The following CFAP299 variants were observed in gnomAD, a reference collection of about 807,000 sequenced individuals.
CFAP299 encodes cilia and flagella associated protein 299.
CFAP299 carries 21 observed loss-of-function variants against 27.0 expected under a neutral mutation model. That is an observed-to-expected ratio of 0.78 (90% CI 0.55 to 1.12). The LOEUF is 1.12. Among genes scored for constraint, CFAP299 ranks in the 50% most tolerant of loss-of-function variants. CFAP299 has a pLI of 0.00. For missense variants in CFAP299, 310 were observed against 276.6 expected (o/e 1.12, Z -0.86); for synonymous variants, 104 against 98.1 (o/e 1.06, Z -0.36).
In CFAP299 at chr4:80,628,595, T is replaced by C. The variant is rs1022447615; in HGVS notation, c.333+45412T>C. On this transcript the variant is annotated intron_variant, in intron 3 of 5. Transcript: ENST00000358105. Reference sequence around the variant, plus strand: ...GCAAACTGTATATCTGTTATGGGGTTAATTTCCAAAATACGTAAGAAATTC... The same window carrying C: ...GCAAACTGTATATCTGTTATGGGGTCAATTTCCAAAATACGTAAGAAATTC... Among the ~76,000 whole-genome samples the C allele has an allele frequency of 5.9e-5, 9 of 152,174 alleles. No individual in the cohort carries two copies. In the South Asian group the frequency reaches 6.2e-4, roughly 11 times the overall value.
At chr4:80,725,834 A>G (rs1190808107) in intron 3 of CFAP299, among the ~76,000 whole-genome samples, 2 of 152,100 alleles carry the variant, frequency 1.3e-5, no homozygotes, top group Non-Finnish European at 2.9e-5. Context: ...CTTCAACTTC[A>G]TTATACTTTT....
At chr4:80,704,970 G>C (rs1721737502) in intron 3 of CFAP299, among the ~76,000 whole-genome samples, 1 of 151,762 alleles carries the variant, frequency 6.6e-6, no homozygotes, top group African/African-American at 2.4e-5. Context: ...GGAAAGGATA[G>C]CATAGAGCTA....
intron 2 of CFAP299, among the ~76,000 whole-genome samples, chr4:80,530,074 A>C (rs1370762086): frequency 6.6e-6 from 1 of 152,198 alleles, no homozygotes; most frequent in Non-Finnish European, 1.5e-5. Context: ...TTTAAAATGC[A>C]TGTGAGTTAG....
At chr4:80,816,141 A>G (rs1729409865) in intron 3 of CFAP299, among the ~76,000 whole-genome samples, 1 of 152,032 alleles carries the variant, frequency 6.6e-6, no homozygotes. Flanking sequence ...TGAGAATAAG[A>G]TTTAAAAAAC....
At chr4:80,961,845 G>T (rs1471670283) in intron 5 of CFAP299, among the ~76,000 whole-genome samples, 1 of 151,926 alleles carries the variant, frequency 6.6e-6, no homozygotes, top group Non-Finnish European at 1.5e-5. Flanking sequence ...ATTATTGTCT[G>T]TCACACAAGG....
chr4:80,839,679 G>C (rs1298540457), intron 3 of CFAP299, among the ~76,000 whole-genome samples: 1 of 151,698 alleles, frequency 6.6e-6, no homozygotes. Context: ...TATTATTCAT[G>C]GTTATCTCAA....
At chr4:80,654,118 T>C (rs745487513) in intron 3 of CFAP299, among the ~76,000 whole-genome samples, 1 of 152,160 alleles carries the variant, frequency 6.6e-6, no homozygotes, top group Admixed American at 6.6e-5. Context: ...ATTGCGGTAC[T>C]GGGGAATGAT....
chr4:80,713,777 T>C (rs972405633), intron 3 of CFAP299, among the ~76,000 whole-genome samples: 2 of 152,206 alleles, frequency 1.3e-5, no homozygotes, highest in African/African-American at 4.8e-5. Context: ...AATTTGTAAC[T>C]TTACATTTAC....
At chr4:80,741,243 T>A (rs1403151358) in intron 3 of CFAP299, among the ~76,000 whole-genome samples, 10 of 152,244 alleles carry the variant, frequency 6.6e-5, no homozygotes, top group African/African-American at 2.2e-4. Flanking sequence ...TGTTTTGTTT[T>A]TTGTTTCATT....
chr4:80,599,162 A>G (rs974674524), intron 3 of CFAP299, among the ~76,000 whole-genome samples: 4 of 152,204 alleles, frequency 2.6e-5, no homozygotes, highest in Non-Finnish European at 4.4e-5. Flanking sequence ...GCACTGTTCT[A>G]TATATCATTA....
At chr4:80,527,026 TATCTA>T (rs66491228) in intron 2 of CFAP299, among the ~76,000 whole-genome samples, 15,653 of 152,176 alleles carry the variant, frequency 0.1, 930 homozygotes, top group Middle Eastern at 0.2. Context: ...CTATTTTTCT[TATCTA>T]ATACCTAGGG....
chr4:80,934,311 T>A (rs1343631438), intron 4 of CFAP299, among the ~76,000 whole-genome samples: 1 of 152,126 alleles, frequency 6.6e-6, no homozygotes, highest in Non-Finnish European at 1.5e-5. Flanking sequence ...TTCAATTTAG[T>A]TTGCTATTAT....
intron 3 of CFAP299, among the ~76,000 whole-genome samples, chr4:80,604,792 T>C (rs919082807): frequency 6.6e-6 from 1 of 151,876 alleles, no homozygotes; most frequent in African/African-American, 2.4e-5. Context: ...AGTATAAATT[T>C]TACAAGAGTA....
intron 2 of CFAP299, among the ~76,000 whole-genome samples, chr4:80,376,260 G>C (rs1724404429): frequency 6.6e-6 from 1 of 151,670 alleles, no homozygotes. Flanking sequence ...TTTTATTGTT[G>C]AGTAATATGG....
At chr4:80,840,031 A>G (rs907898259) in intron 3 of CFAP299, among the ~76,000 whole-genome samples, 13 of 152,220 alleles carry the variant, frequency 8.5e-5, no homozygotes, top group African/African-American at 3.1e-4. Context: ...GTGAAAACCC[A>G]TATGCAAAGA....
At chr4:80,758,708 C>T (rs1725390658) in intron 3 of CFAP299, among the ~76,000 whole-genome samples, 1 of 152,126 alleles carries the variant, frequency 6.6e-6, no homozygotes. Flanking sequence ...TTAAATGATA[C>T]TAATACAGAT....
chr4:80,608,472 T>C (rs1009771764), intron 3 of CFAP299: 2 of 686,586 alleles, frequency 2.9e-6, no homozygotes, highest in Non-Finnish European at 4.9e-6. Context: ...CAAGGGCTAT[T>C]GCTACTGTTT....
rs576847050 is a variant in CFAP299, at chr4:80,905,536, A to ATTAGTCAT, written c.476+35408_476+35409insTTTAGTCA. ...CAGCAGTAATATTCTTAGTGCTTGT[A>ATTAGTCAT]TTAGTCAGTTTTCACACTGATATAA... is the stretch of plus-strand genomic sequence containing the variant. On this transcript the variant is annotated intron_variant, in intron 4 of 5. Coordinates refer to ENST00000358105, the MANE Select transcript of CFAP299 (RefSeq NM_152770.3). Among the ~76,000 whole-genome samples the ATTAGTCAT allele has an allele frequency of 4.4e-3, 673 of 152,292 alleles. 3 individuals are homozygous for ATTAGTCAT. The highest frequency in any genetic ancestry group is 0.014 in the Middle Eastern group (4 of 294).
chr4:80,620,210 A>G (rs778819446), intron 3 of CFAP299, among the ~76,000 whole-genome samples: 1 of 152,160 alleles, frequency 6.6e-6, no homozygotes, highest in African/African-American at 2.4e-5. Flanking sequence ...AAGTCTGTGC[A>G]GTGGATTTAT....
Sources: gnomAD v4.1 joint callset for allele counts (sites outside exome capture counted in the v4.1 genomes callset) on GRCh38, gnomAD v4.1.1 for gene constraint, MANE v1.5 for transcripts, NCBI Gene and HGNC (gene_info 2026-07-23, HGNC 2026-07-21) for gene names.